The following C14orf39 variants were observed in gnomAD, a reference collection of about 807,000 sequenced individuals.
C14orf39 encodes the protein protein SIX6OS1.
Under a neutral mutation model 85.6 loss-of-function variants are expected in C14orf39, and 66 were observed. The observed-to-expected ratio is 0.77, with a 90% CI of 0.63 to 0.95. C14orf39 has a LOEUF of 0.95. Ranked by LOEUF, C14orf39 falls within the 40% of genes least tolerant of loss-of-function variation. C14orf39 has a pLI of 0.00. For synonymous variants in C14orf39, 242 were observed against 214.0 expected (o/e 1.13, Z -1.14); for missense variants, 735 against 663.9 (o/e 1.11, Z -1.18).
chr14:60,440,961 A>C (rs1342354501), intron 17 of C14orf39, among the ~76,000 whole-genome samples: 2 of 152,132 alleles, frequency 1.3e-5, no homozygotes, highest in Non-Finnish European at 2.9e-5. Flanking sequence ...CAATACGGCA[A>C]TCACCTTCCC....
intron 2 of C14orf39, chr14:60,495,304 C>T: frequency 4.5e-6 from 1 of 220,458 alleles, no homozygotes; most frequent in Non-Finnish European, 9.6e-6. Context: ...ATGGATTCCA[C>T]TCCGTTGGAG....
chr14:60,456,126 C>G (rs1298440377), intron 15 of C14orf39, among the ~76,000 whole-genome samples: 2 of 152,018 alleles, frequency 1.3e-5, no homozygotes, highest in African/African-American at 2.4e-5. Flanking sequence ...TGATGCAAAA[C>G]AACCCTGATG....
At chr14:60,488,556 A>T (rs951572490), upstream of C14orf39, among the ~76,000 whole-genome samples, 5 of 152,216 alleles carry the variant, frequency 3.3e-5, no homozygotes, top group East Asian at 9.6e-4. Context: ...TATTATTGAC[A>T]CCTTTGCCTC....
intron 16 of C14orf39, among the ~76,000 whole-genome samples, chr14:60,443,790 A>G (rs1027535001): frequency 6.6e-5 from 10 of 152,250 alleles, no homozygotes; most frequent in Middle Eastern, 3.4e-3. Context: ...AGACACCTCA[A>G]ACAGGTAGGT....
chr14:60,485,081 T>C lies in C14orf39; in HGVS notation c.-3A>G, dbSNP rs1165336814. 1 of 1,608,042 alleles carries C rather than the reference T, an allele frequency of 6.2e-7. No homozygotes were observed. Among genetic ancestry groups the C allele is most frequent in the Non-Finnish European group, 8.5e-7 (1 of 1,178,640 alleles). ...CTGACAAACAGGCTGTCATTCATCT[T>C]GGATACTATGTTAAATGAAAAAAAA... On this transcript the variant is annotated 5_prime_UTR_variant, in exon 2 of 18. Transcript: ENST00000321731.
chr14:60,485,424 T>C (rs995696362), intron 1 of C14orf39, among the ~76,000 whole-genome samples: 1 of 152,222 alleles, frequency 6.6e-6, no homozygotes, highest in Non-Finnish European at 1.5e-5. Context: ...CCACAGGATA[T>C]GCCCTTTAAA....
intron 16 of C14orf39, among the ~76,000 whole-genome samples, chr14:60,453,301 T>C (rs536706230): frequency 6.6e-6 from 1 of 152,152 alleles, no homozygotes; most frequent in Non-Finnish European, 1.5e-5. Context: ...TTTATCTTTA[T>C]GAAACGTCCC....
At chr14:60,485,480 T>A (rs150820532) in intron 1 of C14orf39, among the ~76,000 whole-genome samples, 2 of 152,236 alleles carry the variant, frequency 1.3e-5, no homozygotes, top group African/African-American at 2.4e-5. Flanking sequence ...TACAACCACG[T>A]GTAGCAAAAT....
intron 17 of C14orf39, among the ~76,000 whole-genome samples, chr14:60,438,397 G>A (rs1013909962): frequency 3.3e-5 from 5 of 151,904 alleles, no homozygotes; most frequent in South Asian, 2.1e-4. Flanking sequence ...ATGTAAACAC[G>A]GATCCAAAAA....
chr14:60,456,000 G>C (rs1362825901), intron 15 of C14orf39, among the ~76,000 whole-genome samples: 1 of 152,060 alleles, frequency 6.6e-6, no homozygotes, highest in African/African-American at 2.4e-5. Context: ...TTATTTTACA[G>C]TTCTCAGGTT....
chr14:60,474,786 T>C (rs1892287831), intron 5 of C14orf39, among the ~76,000 whole-genome samples: 1 of 152,108 alleles, frequency 6.6e-6, no homozygotes, highest in South Asian at 2.1e-4. Flanking sequence ...TTTGATGTGC[T>C]GCTGGATTCG....
rs138071695 is a variant in C14orf39 at position 60,456,932 on chromosome 14, G to C, written c.1343C>G (p.Thr448Ser). 6.4e-7 allele frequency: 1 copy of C among 1,572,214 alleles called. No individual in the cohort carries two copies. The highest frequency in any genetic ancestry group is 1.2e-5 in the South Asian group (1 of 83,380). Reference sequence around the variant, plus strand: ...AAAATCCTACATTTCGAACGGGGGGGTTTTAGGGAATTTTATTTTCTCCAA... The same window carrying C: ...AAAATCCTACATTTCGAACGGGGGGCTTTTAGGGAATTTTATTTTCTCCAA... ...ESLEKIKFPK[T>S]PPFEINRNRN... Residue 448 changes from threonine to serine, a missense_variant, in exon 15 of 18, where the codon ACC becomes AGC. Thr to Ser is a moderately conservative substitution (Grantham distance 58). Transcript: ENST00000321731.
intron 16 of C14orf39, among the ~76,000 whole-genome samples, chr14:60,445,786 T>G (rs1890738137): frequency 6.6e-6 from 1 of 152,198 alleles, no homozygotes; most frequent in African/African-American, 2.4e-5. Context: ...ATTGCACTTA[T>G]TCTAAAATCG....
At chr14:60,486,343 T>C (rs1892892926), upstream of C14orf39, among the ~76,000 whole-genome samples, 1 of 152,228 alleles carries the variant, frequency 6.6e-6, no homozygotes, top group Non-Finnish European at 1.5e-5. Context: ...TTATTCCTCT[T>C]GTAACAAGTT....
At chr14:60,514,936 G>A (rs932140494) in intron 1 of C14orf39, among the ~76,000 whole-genome samples, 10 of 152,168 alleles carry the variant, frequency 6.6e-5, no homozygotes, top group African/African-American at 1.7e-4. Flanking sequence ...TGCGTAATCA[G>A]GGCTAATGAC....
intron 13 of C14orf39, among the ~76,000 whole-genome samples, chr14:60,459,193 A>C (rs1379979665): frequency 6.6e-6 from 1 of 151,730 alleles, no homozygotes; most frequent in Non-Finnish European, 1.5e-5. Context: ...TGTGAGATGC[A>C]TCCATATTAT....
rs1288947296 is a variant in C14orf39, at chr14:60,491,775, T to C, written c.-8-6689A>G. On this transcript the variant is annotated intron_variant, in intron 2 of 5. Coordinates refer to the C14orf39 transcript ENST00000556799. This position sits in a 1 kb window ranked among gnomAD's most constrained non-coding sequence, Gnocchi z 4.5. ...TCTTGCCCATTCTCTCTCCATCCTGTGACAGAGCAATTCTTAAATGTAAAT... is the reference window on the plus strand; with the variant it reads ...TCTTGCCCATTCTCTCTCCATCCTGCGACAGAGCAATTCTTAAATGTAAAT... Among the ~76,000 whole-genome samples, 1 of 152,226 alleles carries C rather than the reference T, an allele frequency of 6.6e-6. No individual in the cohort carries two copies. The highest frequency in any genetic ancestry group is 2.1e-4 in the South Asian group (1 of 4,832).
At chr14:60,501,790 T>C (rs973418815) in intron 1 of C14orf39, among the ~76,000 whole-genome samples, 1 of 152,114 alleles carries the variant, frequency 6.6e-6, no homozygotes, top group Non-Finnish European at 1.5e-5. Flanking sequence ...CATCAAAAGA[T>C]TATGAGACCC....
chr14:60,470,130 T>C (rs1311705210), intron 7 of C14orf39, among the ~76,000 whole-genome samples: 1 of 151,786 alleles, frequency 6.6e-6, no homozygotes, highest in African/African-American at 2.4e-5. Context: ...TCCCTTTTCT[T>C]GCTCTGTAAG....
Sources: allele counts gnomAD v4.1 joint callset (sites outside exome capture counted in the v4.1 genomes callset), GRCh38; gene constraint gnomAD v4.1.1; non-coding constraint Gnocchi (gnomAD v3.1); transcripts MANE v1.5; gene names NCBI Gene and HGNC (gene_info 2026-07-23, HGNC 2026-07-21).